The following TNNI1 variants were observed in gnomAD, a reference collection of about 807,000 sequenced individuals.
TNNI1 encodes troponin I1, slow skeletal type.
In TNNI1, 14 loss-of-function variants were observed where a neutral mutation model predicts 26.7. That is an observed-to-expected ratio of 0.52 (90% CI 0.35 to 0.82). TNNI1 has a LOEUF of 0.82. Among genes scored for constraint, TNNI1 ranks in the 40% least tolerant of loss-of-function variants. TNNI1 has a pLI of 0.01. For synonymous variants in TNNI1, 79 were observed against 98.2 expected (o/e 0.80, Z 1.16); for missense variants, 164 against 257.0 (o/e 0.64, Z 2.47).
At chr1:201,417,217 C>A in intron 2 of TNNI1, 98 bp from the exon 3 acceptor site, 2 of 1,533,288 alleles carry the variant, frequency 1.3e-6, no homozygotes, top group South Asian at 1.1e-5. Flanking sequence ...CCTCACAGAC[C>A]AGCTTGGGGG....
Position 201,417,109 on chromosome 1 carries a change from C to CA in TNNI1, c.15+6dup. The CA allele has an allele frequency of 6.2e-7, 1 of 1,614,080 alleles. No homozygotes were observed. The highest frequency in any genetic ancestry group is 8.5e-7 in the Non-Finnish European group (1 of 1,179,982). On this transcript the variant is annotated splice_region_variant and intron_variant, in intron 3 of 8. Coordinates refer to ENST00000361379, the MANE Select transcript of TNNI1 (RefSeq NM_003281.4). ...ACCAAGACAGAGATACCCCAAATAT[C>CA]ACTTACCTCGCTTCAGGCATCCATC...
Position 201,410,317 on chromosome 1 carries a change from T to C in TNNI1, c.*2+9A>G, listed in dbSNP as rs1250133138. ...TGGACCCCAGAGAAGGGAGCTGGTC[T>C]CTAGGTACCTCTATTGTGAGGTCGG... On this transcript the variant is annotated intron_variant, in intron 8 of 8. Transcript: ENST00000361379. 6.2e-7 allele frequency: 1 copy of C among 1,612,954 alleles called. No individual in the cohort carries two copies. Among genetic ancestry groups the C allele is most frequent in the Non-Finnish European group, 8.5e-7 (1 of 1,179,042 alleles).
At chr1:201,417,257 G>A in intron 2 of TNNI1, 138 bp from the exon 3 acceptor site, 1 of 1,156,674 alleles carries the variant, frequency 8.6e-7, no homozygotes, top group Non-Finnish European at 1.3e-6. Flanking sequence ...CAGTGAGCCA[G>A]AAAGTCATCA....
chr1:201,417,891 C>T, intron 1 of TNNI1, 79 bp from the exon 2 acceptor site: 1 of 1,070,040 alleles, frequency 9.3e-7, no homozygotes, highest in Non-Finnish European at 1.2e-6. Flanking sequence ...GGAGCCCAGC[C>T]TAGGAGACAG....
intron 1 of TNNI1, among the ~76,000 whole-genome samples, chr1:201,419,267 A>G (rs1168570348): frequency 1.3e-5 from 2 of 152,244 alleles, no homozygotes; most frequent in African/African-American, 4.8e-5. Flanking sequence ...GGCCCAGGCC[A>G]AAGAGGGGGT....
chr1:201,415,186 C>T (rs761629300), intron 4 of TNNI1, 27 bp downstream of exon 4: 3 of 1,602,250 alleles, frequency 1.9e-6, no homozygotes, highest in Non-Finnish European at 2.6e-6. Flanking sequence ...CACTGGGCAT[C>T]CCCCCACAGC....
Position 201,414,487 on chromosome 1 carries a change from C to T in TNNI1, c.189+31G>A, listed in dbSNP as rs12083297. The T allele has an allele frequency of 4.5e-3, 6,880 of 1,523,828 alleles. 222 individuals are homozygous for T. In the African/African-American group the frequency reaches 0.081, roughly 18 times the overall value. The allele number at this position is 1,523,828 out of a possible 1,614,324, so 94.4% of individuals were successfully genotyped here. ...GCCACCCACACAGCACCTCCAGCCCCACCCTGCCCCGCCCCACCTGCCAGG... is the reference window on the plus strand; with the variant it reads ...GCCACCCACACAGCACCTCCAGCCCTACCCTGCCCCGCCCCACCTGCCAGG... On this transcript the variant is annotated intron_variant, in intron 5 of 8. Transcript: ENST00000361379.
chr1:201,405,019 T>C lies in TNNI1; in HGVS notation c.*4234A>G, dbSNP rs879527377. 5 of 152,256 alleles carry C rather than the reference T, an allele frequency of 3.3e-5. No individual in the cohort carries two copies. The highest frequency in any genetic ancestry group is 7.3e-5 in the Non-Finnish European group (5 of 68,090). The allele number at this position is 152,256 out of a possible 1,614,324, so 9.4% of individuals were successfully genotyped here. On this transcript the variant is annotated 3_prime_UTR_variant, in exon 9 of 9. Transcript: ENST00000361379. ...GGCTCACCCAGCCTGTGCCAACCAGTGAGAGAGGCCAATGGTTGGCACTGG... is the reference window on the plus strand; with the variant it reads ...GGCTCACCCAGCCTGTGCCAACCAGCGAGAGAGGCCAATGGTTGGCACTGG...
intron 5 of TNNI1, among the ~76,000 whole-genome samples, chr1:201,414,032 A>G (rs1452962685): frequency 6.6e-6 from 1 of 152,268 alleles, no homozygotes; most frequent in Non-Finnish European, 1.5e-5. Context: ...TTAAACAAAA[A>G]TAATAAAAAT....
rs1571737401 is a variant in TNNI1 at position 201,415,576 on chromosome 1, C to G, written c.16-322G>C. Reference sequence around the variant, plus strand: ...TCATCTGTAAATAAGGATATTAGGACCCCCCCCCTTACTTAGTTCACAGAG... The same window carrying G: ...TCATCTGTAAATAAGGATATTAGGAGCCCCCCCCTTACTTAGTTCACAGAG... On this transcript the variant is annotated intron_variant, in intron 3 of 8. Transcript: ENST00000361379. 5.8e-4 allele frequency among the ~76,000 whole-genome samples: 3 copies of G among 5,200 alleles called. No individual in the cohort carries two copies. The South Asian group carries it at 0.011, about 19-fold the overall frequency. The allele number at this position is 5,200 out of a possible 152,430, so 3.4% of individuals were successfully genotyped here.
rs1662603179 is a variant in TNNI1, at chr1:201,410,043, G to C, written c.*2+283C>G. On this transcript the variant is annotated intron_variant, in intron 8 of 8. Coordinates refer to ENST00000361379, the MANE Select transcript of TNNI1 (RefSeq NM_003281.4). ...TTGCATCCCAGGTGATGTAGACGCT[G>C]CTGGTCCCAGGACCACACTTGGAGA... is the stretch of plus-strand genomic sequence containing the variant. 4 of 315,260 alleles carry C rather than the reference G, an allele frequency of 1.3e-5. No individual in the cohort carries two copies. In the East Asian group the frequency reaches 2.5e-4, roughly 20 times the overall value. The allele number at this position is 315,260 out of a possible 1,614,324, so 19.5% of individuals were successfully genotyped here. A position where few individuals can be genotyped will look rare whatever the true frequency, so the allele number is the denominator to read the frequency against.
intron 5 of TNNI1, among the ~76,000 whole-genome samples, chr1:201,413,744 CA>C (rs879315625): frequency 8.5e-4 from 123 of 144,072 alleles, no homozygotes; most frequent in Non-Finnish European, 8.7e-4. Context: ...GACTCTGCCT[CA>C]AAAAAAAAAA....
intron 2 of TNNI1, among the ~76,000 whole-genome samples, chr1:201,417,338 C>T (rs542235665): frequency 9.9e-5 from 15 of 152,220 alleles, no homozygotes; most frequent in South Asian, 8.3e-4. Flanking sequence ...CTTTGAACTA[C>T]GGGGCATTCT....
intron 1 of TNNI1, among the ~76,000 whole-genome samples, chr1:201,419,433 G>A (rs1662817916): frequency 6.6e-6 from 1 of 152,200 alleles, no homozygotes; most frequent in South Asian, 2.1e-4. Context: ...AGGTGTGCAG[G>A]GGCGCACAGG....
At chr1:201,416,986 C>T (rs1662753820) in intron 3 of TNNI1, 130 bp downstream of exon 3, 2 of 1,094,890 alleles carry the variant, frequency 1.8e-6, no homozygotes, top group Admixed American at 3.4e-5. Context: ...CCACTAAATA[C>T]CCTACACCCC....
intron 6 of TNNI1, among the ~76,000 whole-genome samples, chr1:201,412,546 C>G (rs1010714810): frequency 1.3e-5 from 2 of 152,192 alleles, no homozygotes; most frequent in African/African-American, 4.8e-5. Flanking sequence ...TAAGGGAGCA[C>G]AGAGCACCGG....
intron 5 of TNNI1, among the ~76,000 whole-genome samples, chr1:201,413,433 A>ACAAACAAC (rs1383414996): frequency 6.6e-6 from 1 of 150,862 alleles, no homozygotes; most frequent in African/African-American, 2.4e-5. Flanking sequence ...TCTCAAAAAA[A>ACAAACAAC]CAAACAAACA....
At chr1:201,419,799 G>A (rs1002640503) in intron 1 of TNNI1, among the ~76,000 whole-genome samples, 3 of 152,238 alleles carry the variant, frequency 2.0e-5, no homozygotes, top group Non-Finnish European at 4.4e-5. Context: ...GGTGGAGGAG[G>A]TGGAGGTGTA....
intron 2 of TNNI1, 119 bp from the exon 3 acceptor site, chr1:201,417,238 C>T: frequency 7.8e-7 from 1 of 1,282,054 alleles, no homozygotes; most frequent in Non-Finnish European, 1.1e-6. Flanking sequence ...AGGAGGGGGC[C>T]AGTGACAACA....
Sources: allele counts gnomAD v4.1 joint callset (sites outside exome capture counted in the v4.1 genomes callset), GRCh38; gene constraint gnomAD v4.1.1; transcripts MANE v1.5; gene names NCBI Gene and HGNC (gene_info 2026-07-23, HGNC 2026-07-21).